ANK2: variants seen among roughly 807,000 people sequenced by gnomAD.
The protein encoded by ANK2 is ankyrin-2.
In ANK2, 83 loss-of-function variants were observed where a neutral mutation model predicts 360.5. The observed-to-expected ratio is 0.23, with a 90% CI of 0.19 to 0.28. The LOEUF (loss-of-function observed/expected upper bound fraction) is 0.28, where lower values mean the gene tolerates loss of function less well. ANK2 is among the 10% of genes least tolerant of loss of function. The pLI is 1.00. For synonymous variants in ANK2, 1,740 were observed against 1,759.5 expected (o/e 0.99, Z 0.28); for missense variants, 4,201 against 4,795.7 (o/e 0.88, Z 3.66).
At chr4:113,169,807 TA>T (rs1229800503) in intron 1 of ANK2, among the ~76,000 whole-genome samples, 2 of 152,118 alleles carry the variant, frequency 1.3e-5, no homozygotes, top group Non-Finnish European at 2.9e-5. Flanking sequence ...TGTGCCACTA[TA>T]AAAAAGAAAC....
chr4:113,278,047 A>G, intron 16 of ANK2, 112 bp downstream of exon 16: 1 of 1,030,150 alleles, frequency 9.7e-7, no homozygotes. Context: ...AACTGATGAA[A>G]CTATCCCAAA....
chr4:112,856,931 G>A (rs564355190), intron 1 of ANK2, among the ~76,000 whole-genome samples: 1 of 152,262 alleles, frequency 6.6e-6, no homozygotes, highest in Middle Eastern at 3.4e-3. Context: ...AAATTACTGA[G>A]GAGACATCAA....
intron 22 of ANK2, among the ~76,000 whole-genome samples, chr4:113,300,018 G>A (rs2074129321): frequency 6.6e-6 from 1 of 151,834 alleles, no homozygotes; most frequent in Admixed American, 6.6e-5. Flanking sequence ...CAGAATATGG[G>A]CTATAATTTA....
chr4:112,887,441 GACTTATGGT>G (rs2078725871), intron 1 of ANK2, among the ~76,000 whole-genome samples: 1 of 152,178 alleles, frequency 6.6e-6, no homozygotes, highest in Admixed American at 6.5e-5. Context: ...GTGCATTTTT[GACTTATGGT>G]ACTTTCAGTT....
Position 113,335,878 on chromosome 4 carries a change from C to G in ANK2, c.3412C>G (p.Arg1138Gly), listed in dbSNP as rs745624171. Residue 1138 changes from arginine to glycine, a missense_variant, in exon 30 of 46, where the codon CGA becomes GGA. Coordinates refer to ENST00000357077, the MANE Select transcript of ANK2 (RefSeq NM_001148.6). The part of the protein sequence containing the change: ...LDSPEDLEKK[R>G]ICRIITRDFP... ...TAGCCCAGAAGACCTAGAAAAGAAA[C>G]GAATCTGCCGCATCATCACCCGAGA... 2 of 1,614,022 alleles carry G rather than the reference C, an allele frequency of 1.2e-6. No individual in the cohort carries two copies. Among genetic ancestry groups the G allele is most frequent in the South Asian group, 1.1e-5 (1 of 91,078 alleles).
chr4:113,302,960 T>G, intron 23 of ANK2, 121 bp downstream of exon 23: 2 of 903,078 alleles, frequency 2.2e-6, no homozygotes, highest in Non-Finnish European at 3.6e-6. Flanking sequence ...TTAAAGTCAC[T>G]TTTTCACCTT....
chr4:112,896,515 A>G (rs951915211), intron 1 of ANK2, among the ~76,000 whole-genome samples: 1 of 152,258 alleles, frequency 6.6e-6, no homozygotes, highest in Admixed American at 6.5e-5. Flanking sequence ...AATGCAGCAT[A>G]AAACTTCTCA....
At position 113,072,953 on chromosome 4, in the gene ANK2, CTTTTTTTTTT is replaced by C. The variant is rs77468290; in HGVS notation, c.84+23158_84+23167del. On this transcript the variant is annotated intron_variant, in intron 1 of 45. Transcript: ENST00000357077. ...CTCGACTCTGTCACAAGGACAGTGTCTTTTTTTTTTTTTTTTTTTTTTTTTTGAGGGGAGG... is the reference window on the plus strand; with the variant it reads ...CTCGACTCTGTCACAAGGACAGTGTCTTTTTTTTTTTTTTTTGAGGGGAGG... Among the ~76,000 whole-genome samples the C allele has an allele frequency of 4.4e-4, 26 of 59,408 alleles. No homozygotes were observed. The South Asian group carries it at 6.0e-3, about 14-fold the overall frequency. 39.0% of individuals were successfully genotyped at this position (59,408 alleles called of 152,430 possible). A position where few individuals can be genotyped will look rare whatever the true frequency, so the allele number is the denominator to read the frequency against.
intron 24 of ANK2, among the ~76,000 whole-genome samples, chr4:113,313,305 T>G (rs574262716): frequency 6.6e-6 from 1 of 152,348 alleles, no homozygotes; most frequent in South Asian, 2.1e-4. Flanking sequence ...TTTTGCATGG[T>G]CTCCCTTATT....
chr4:113,371,035 T>C (rs1458842986), intron 43 of ANK2, among the ~76,000 whole-genome samples: 15 of 152,294 alleles, frequency 9.8e-5, no homozygotes. Context: ...TTGTTTTTTC[T>C]TTTAAAAAGT....
At chr4:113,145,571 C>A in intron 1 of ANK2, 4 of 1,018,560 alleles carry the variant, frequency 3.9e-6, no homozygotes, top group Non-Finnish European at 4.7e-6. Flanking sequence ...TCTGCCTCAC[C>A]CCCCTCACTC....
At chr4:113,226,073 C>T (rs2153511418) in intron 4 of ANK2, among the ~76,000 whole-genome samples, 1 of 152,270 alleles carries the variant, frequency 6.6e-6, no homozygotes, top group African/African-American at 2.4e-5. Context: ...GAGTAAATTA[C>T]ATTTTAAAAT....
chr4:112,756,107 C>T, the ANK2 span, among the ~76,000 whole-genome samples: 12 of 151,822 alleles, frequency 7.9e-5, no homozygotes, highest in South Asian at 2.1e-4. Flanking sequence ...GGTGTGGTGG[C>T]GGGTGCCTGT....
chr4:113,336,933 A>G, intron 31 of ANK2, 152 bp downstream of exon 31: 2 of 799,566 alleles, frequency 2.5e-6, no homozygotes. Flanking sequence ...ATGAAAGGTG[A>G]AAGGAAACAA....
intron 1 of ANK2, among the ~76,000 whole-genome samples, chr4:113,079,415 G>C (rs1479319199): frequency 6.6e-6 from 1 of 152,186 alleles, no homozygotes; most frequent in African/African-American, 2.4e-5. Flanking sequence ...TACTCATTCA[G>C]ATAGAATTGC....
intron 2 of ANK2, among the ~76,000 whole-genome samples, chr4:113,188,722 AC>A (rs2098596571): frequency 1.3e-5 from 2 of 152,194 alleles, no homozygotes; most frequent in Non-Finnish European, 2.9e-5. Flanking sequence ...ATCCTTAATA[AC>A]AAAGGCTATT....
chr4:112,812,074 CAAA>C, the ANK2 span, among the ~76,000 whole-genome samples: 1,554 of 79,174 alleles, frequency 0.02, 22 homozygotes, highest in African/African-American at 0.065. Context: ...GACTCCGTCT[CAAA>C]AAAAAAAAAA....
At chr4:112,832,961 G>A (rs1222892267) in intron 1 of ANK2, among the ~76,000 whole-genome samples, 1 of 152,206 alleles carries the variant, frequency 6.6e-6, no homozygotes, top group African/African-American at 2.4e-5. Flanking sequence ...CAGATAGTAG[G>A]TAGCATACTA....
chr4:113,377,969 G>A, intron 45 of ANK2: 1 of 300,088 alleles, frequency 3.3e-6, no homozygotes, highest in Non-Finnish European at 5.8e-6. Flanking sequence ...TCTAGGAATT[G>A]TATTTATTTA....
Sources: gnomAD v4.1 joint callset for allele counts (sites outside exome capture counted in the v4.1 genomes callset) on GRCh38, gnomAD v4.1.1 for gene constraint, MANE v1.5 for transcripts, NCBI Gene and HGNC (gene_info 2026-07-23, HGNC 2026-07-21) for gene names.